LAMA2: variants seen among roughly 807,000 people sequenced by gnomAD.
The protein encoded by LAMA2 is laminin subunit alpha 2.
LAMA2 carries 269 observed loss-of-function variants against 364.8 expected under a neutral mutation model. The observed-to-expected ratio is 0.74, with a 90% CI of 0.67 to 0.82. LAMA2 has a LOEUF of 0.82. LAMA2 is among the 40% of genes least tolerant of loss of function. LAMA2 has a pLI of 0.00. For missense variants in LAMA2, 3,807 were observed against 3,873.2 expected (o/e 0.98, Z 0.45); for synonymous variants, 1,379 against 1,370.6 (o/e 1.01, Z -0.14).
At chr6:129,222,125 T>C (rs1320784007) in intron 12 of LAMA2, among the ~76,000 whole-genome samples, 1 of 152,194 alleles carries the variant, frequency 6.6e-6, no homozygotes, top group Non-Finnish European at 1.5e-5. Flanking sequence ...ATTGCTCATG[T>C]TCAACTTCTT....
At chr6:129,454,625 A>T (rs960881886) in intron 47 of LAMA2, among the ~76,000 whole-genome samples, 2 of 152,184 alleles carry the variant, frequency 1.3e-5, no homozygotes, top group African/African-American at 4.8e-5. Flanking sequence ...AAAGCATAAG[A>T]GCACCATTAT....
intron 51 of LAMA2, among the ~76,000 whole-genome samples, chr6:129,467,811 T>C (rs1783621115): frequency 6.6e-6 from 1 of 151,946 alleles, no homozygotes; most frequent in African/African-American, 2.4e-5. Context: ...GTGAAAGTAG[T>C]TAAAAATATG....
intron 1 of LAMA2, among the ~76,000 whole-genome samples, chr6:128,993,400 A>T (rs1783726760): frequency 6.6e-6 from 1 of 152,162 alleles, no homozygotes; most frequent in South Asian, 2.1e-4. Flanking sequence ...GGGATGGAAA[A>T]TTTAAACTCA....
At position 129,112,697 on chromosome 6, in the gene LAMA2, A is replaced by C. The variant is rs931392160; in HGVS notation, c.639+14282A>C. Among the ~76,000 whole-genome samples the C allele has an allele frequency of 7.2e-5, 11 of 151,922 alleles. No individual in the cohort carries two copies. The South Asian group carries it at 8.3e-4, about 11-fold the overall frequency. ...AAGTCAGAGAAAAGATCTCTAGCAC[A>C]GAAAAGTCTGGTTACAAGATTACAG... On this transcript the variant is annotated intron_variant, in intron 4 of 64. Transcript: ENST00000421865.
intron 3 of LAMA2, among the ~76,000 whole-genome samples, chr6:129,061,288 A>T (rs1302895085): frequency 6.6e-6 from 1 of 152,214 alleles, no homozygotes; most frequent in African/African-American, 2.4e-5. Flanking sequence ...AGGGACAGGC[A>T]ATCAATAAAT....
intron 28 of LAMA2, among the ~76,000 whole-genome samples, chr6:129,325,439 C>A (rs865976576): frequency 6.6e-6 from 1 of 151,680 alleles, no homozygotes; most frequent in Non-Finnish European, 1.5e-5. Context: ...TCTCAGTTCA[C>A]CAAGAGGAAA....
chr6:128,934,993 T>A (rs1582715672), intron 1 of LAMA2, among the ~76,000 whole-genome samples: 1 of 152,202 alleles, frequency 6.6e-6, no homozygotes, highest in Non-Finnish European at 1.5e-5. Flanking sequence ...TAGTTTTCAG[T>A]GTACAGATCT....
chr6:129,017,171 G>A (rs986335620), intron 1 of LAMA2, among the ~76,000 whole-genome samples: 2 of 151,854 alleles, frequency 1.3e-5, no homozygotes, highest in Admixed American at 6.6e-5. Context: ...TTGACCATAA[G>A]TAAATGTAAT....
At chr6:129,087,126 C>G (rs758508347) in intron 3 of LAMA2, among the ~76,000 whole-genome samples, 43 of 152,226 alleles carry the variant, frequency 2.8e-4, no homozygotes, top group South Asian at 4.1e-4. Context: ...GTTCCCTTTG[C>G]CATAAAAAGG....
intron 1 of LAMA2, among the ~76,000 whole-genome samples, chr6:129,047,021 A>T (rs1787563214): frequency 6.6e-6 from 1 of 152,234 alleles, no homozygotes; most frequent in African/African-American, 2.4e-5. Flanking sequence ...CAAAATAGAA[A>T]GATATACAGA....
At chr6:128,890,492 G>C (rs998136001) in intron 1 of LAMA2, among the ~76,000 whole-genome samples, 3 of 150,986 alleles carry the variant, frequency 2.0e-5, no homozygotes, top group African/African-American at 4.9e-5. Context: ...TGGTATTATG[G>C]AAGAACAAAA....
intron 30 of LAMA2, among the ~76,000 whole-genome samples, chr6:129,346,206 C>T (rs888616425): frequency 5.9e-5 from 9 of 152,174 alleles, no homozygotes; most frequent in Admixed American, 5.9e-4. Context: ...ATTAGAAACC[C>T]TCTGTAATCT....
chr6:128,996,586 A>C (rs1783956194), intron 1 of LAMA2, among the ~76,000 whole-genome samples: 2 of 152,274 alleles, frequency 1.3e-5, no homozygotes, highest in Non-Finnish European at 2.9e-5. Flanking sequence ...ATACCAACTC[A>C]TGCCAGTTAG....
At chr6:129,060,218 A>G (rs991487734) in intron 3 of LAMA2, among the ~76,000 whole-genome samples, 5 of 152,204 alleles carry the variant, frequency 3.3e-5, no homozygotes, top group Non-Finnish European at 5.9e-5. Context: ...TAATAGTATC[A>G]TTTTTAACTT....
intron 16 of LAMA2, among the ~76,000 whole-genome samples, chr6:129,269,759 AAAATC>A (rs1787791508): frequency 6.6e-6 from 1 of 152,134 alleles, no homozygotes; most frequent in Non-Finnish European, 1.5e-5. Context: ...AAGTAAAACA[AAAATC>A]AAATCGGGGA....
intron 22 of LAMA2, among the ~76,000 whole-genome samples, chr6:129,312,026 T>C (rs1047441525): frequency 2.8e-5 from 4 of 143,214 alleles, no homozygotes; most frequent in Admixed American, 6.8e-5. Context: ...TAGATGATCC[T>C]GAAAAAGAAA....
chr6:129,402,509 A>G (rs770425909), intron 39 of LAMA2, 22 bp downstream of exon 39: 2 of 1,612,050 alleles, frequency 1.2e-6, no homozygotes, highest in Non-Finnish European at 1.7e-6. Flanking sequence ...GTTTTTGGAA[A>G]TGTTTGTGTA....
At chr6:128,940,937 C>A (rs556377670) in intron 1 of LAMA2, among the ~76,000 whole-genome samples, 1 of 152,190 alleles carries the variant, frequency 6.6e-6, no homozygotes, top group African/African-American at 2.4e-5. Context: ...GGTGACAGAG[C>A]AAGAGCCTGT....
intron 1 of LAMA2, among the ~76,000 whole-genome samples, chr6:128,976,471 G>A (rs540733424): frequency 6.6e-6 from 1 of 152,278 alleles, no homozygotes; most frequent in African/African-American, 2.4e-5. Context: ...TCCAGGATAA[G>A]CTTGTAGAAG....
Sources: gnomAD v4.1 joint callset for allele counts (sites outside exome capture counted in the v4.1 genomes callset) on GRCh38, gnomAD v4.1.1 for gene constraint, MANE v1.5 for transcripts, NCBI Gene and HGNC (gene_info 2026-07-23, HGNC 2026-07-21) for gene names.